The following ZNF41 variants were observed in gnomAD, a reference collection of about 807,000 sequenced individuals.
ZNF41 encodes the protein zinc finger protein 41.
A neutral mutation model predicts 9.3 loss-of-function variants in ZNF41; 6 were observed. The ratio of observed to expected loss-of-function variants is 0.65; its 90% CI spans 0.35 to 1.28. The LOEUF is 1.28. Among genes scored for constraint, ZNF41 ranks in the 50% most tolerant of loss-of-function variants. ZNF41 has a pLI of 0.03. For synonymous variants in ZNF41, 192 were observed against 207.1 expected (o/e 0.93, Z 0.63); for missense variants, 523 against 585.8 (o/e 0.89, Z 1.11).
In ZNF41 at chrX:47,455,970, T is replaced by A; in HGVS notation, c.246A>T (p.Gly82=). ...CCCCCTCCAGCATCCATGGCCCCTC[T>A]CCTTGCTCCAACTTGAAGGCAGCCT... ...KSEAAFKLEQ[G]EGPWMLEGEA... is the part of the protein sequence containing the mutation. Residue 82 remains glycine, a synonymous_variant, in exon 4 of 5, where the codon GGA becomes GGT. Transcript: ENST00000684689. The A allele has an allele frequency of 8.3e-7, 1 of 1,211,812 alleles. No individual in the cohort carries two copies. The highest frequency in any genetic ancestry group is 1.1e-6 in the Non-Finnish European group (1 of 895,522).
intron 4 of ZNF41, among the ~76,000 whole-genome samples, chrX:47,449,833 T>C (rs1345792276): frequency 9.0e-6 from 1 of 111,205 alleles, no homozygotes; most frequent in Non-Finnish European, 1.9e-5. Flanking sequence ...GCTAAATAAG[T>C]GGGAGAGATG....
rs1204306173 is a variant in ZNF41 at position 47,448,243 on chromosome X, G to T, written c.1527C>A (p.Asn509Lys). The change falls in exon 5 of 5, where the codon AAC (asparagine) becomes AAA (lysine). Residue 509 changes from asparagine (N) to lysine (K), a missense_variant. By Grantham distance (94) the Asn-to-Lys change is moderately conservative. Coordinates refer to ENST00000684689, the MANE Select transcript of ZNF41 (RefSeq NM_001324144.2). ...ECGKVFTHRT[N>K]LTTHQKTHTG... ...TATGAGTTTTCTGATGTGTGGTGAG[G>T]TTTGTCCTGTGAGTGAAGACCTTTC... 1 of 1,211,470 alleles carries T rather than the reference G, an allele frequency of 8.3e-7. No homozygotes were observed. The highest frequency in any genetic ancestry group is 2.3e-4 in the Middle Eastern group (1 of 4,352).
intron 1 of ZNF41, among the ~76,000 whole-genome samples, chrX:47,478,623 G>A (rs920568867): frequency 1.8e-5 from 2 of 111,653 alleles, no homozygotes; most frequent in African/African-American, 6.5e-5. Flanking sequence ...TAACACGGAT[G>A]AGCTTTGAAA....
intron 1 of ZNF41, among the ~76,000 whole-genome samples, chrX:47,472,827 A>G (rs1257008860): frequency 1.8e-5 from 2 of 109,261 alleles, no homozygotes; most frequent in East Asian, 5.7e-4. Context: ...AGTTCAAGCA[A>G]TTCTCCTGCC....
chrX:47,479,957 G>GGTGT (rs2057430932), intron 1 of ZNF41, among the ~76,000 whole-genome samples: 1 of 110,231 alleles, frequency 9.1e-6, no homozygotes, highest in Non-Finnish European at 1.9e-5. Flanking sequence ...TAGCTGGGCA[G>GGTGT]GGTGGCACGC....
chrX:47,471,223 T>C (rs1219298793), intron 1 of ZNF41, among the ~76,000 whole-genome samples: 1 of 110,602 alleles, frequency 9.0e-6, no homozygotes, highest in Non-Finnish European at 1.9e-5. Context: ...CTGAGGTGGG[T>C]GGATCACCTG....
Position 47,467,477 on chromosome X carries a change from G to T in ZNF41, c.5C>A (p.Ala2Glu). ...CCATGGGGGAGAGTCCCCATTAGCTGCCATGTTCACGCTGGGCCTCAGCCC... is the reference window on the plus strand; with the variant it reads ...CCATGGGGGAGAGTCCCCATTAGCTTCCATGTTCACGCTGGGCCTCAGCCC... M[A>E]ANGDSPPWSP... Residue 2 changes from alanine to glutamate, a missense_variant, in exon 2 of 5, where the codon GCA (alanine) becomes GAA (glutamate). Physicochemically the swap from Ala to Glu is moderately radical, Grantham distance 107. Coordinates refer to ENST00000684689, the MANE Select transcript of ZNF41 (RefSeq NM_001324144.2). 8.4e-7 allele frequency: 1 copy of T among 1,185,325 alleles called. No homozygotes were observed. The highest frequency in any genetic ancestry group is 1.7e-5 in the African/African-American group (1 of 57,542).
At chrX:47,469,576 T>C (rs1244676015) in intron 1 of ZNF41, among the ~76,000 whole-genome samples, 1 of 111,395 alleles carries the variant, frequency 9.0e-6, no homozygotes, top group Non-Finnish European at 1.9e-5. Flanking sequence ...CTATTAACTA[T>C]GTGGAAATTT....
chrX:47,458,683 T>C (rs2056660560), intron 2 of ZNF41, among the ~76,000 whole-genome samples: 1 of 111,565 alleles, frequency 9.0e-6, no homozygotes, highest in African/African-American at 3.3e-5. Flanking sequence ...TGGTCTCACT[T>C]TGTCACCCAG....
chrX:47,448,805 G>A lies in ZNF41; in HGVS notation c.965C>T (p.Thr322Ile). 8.3e-7 allele frequency: 1 copy of A among 1,211,671 alleles called. No individual in the cohort carries two copies. The highest frequency in any genetic ancestry group is 1.1e-6 in the Non-Finnish European group (1 of 895,430). ...PQVDVHPSVY[T>I]GEKPYLCTQC... The stretch of plus-strand genomic sequence containing the variant: ...AGTACACAGATAGGGTTTTTCTCCT[G>A]TATAAACACTTGGATGTACATCAAC... Residue 322 changes from threonine (T) to isoleucine (I), a missense_variant, in exon 5 of 5, where the codon ACA becomes ATA. Thr to Ile is a moderately conservative substitution (Grantham distance 89). Transcript: ENST00000684689.
At chrX:47,469,138 C>T (rs939635074) in intron 1 of ZNF41, among the ~76,000 whole-genome samples, 3 of 102,825 alleles carry the variant, frequency 2.9e-5, no homozygotes, top group Non-Finnish European at 6.0e-5. Context: ...GGTGAAACCC[C>T]GTCTCTACTA....
intron 4 of ZNF41, among the ~76,000 whole-genome samples, chrX:47,455,289 T>TA (rs35534485): frequency 0.27 from 21,804 of 79,971 alleles, 2,775 homozygotes; most frequent in South Asian, 0.34. Flanking sequence ...AAATTAAAAT[T>TA]AAAAAAAAAA....
At chrX:47,478,440 G>C (rs954348518) in intron 1 of ZNF41, among the ~76,000 whole-genome samples, 2 of 110,371 alleles carry the variant, frequency 1.8e-5, no homozygotes, top group African/African-American at 6.6e-5. Flanking sequence ...CTGGGAGGTG[G>C]AGGTTGCAGT....
intron 1 of ZNF41, among the ~76,000 whole-genome samples, chrX:47,477,414 G>T (rs1451060194): frequency 8.9e-6 from 1 of 112,907 alleles, no homozygotes; most frequent in Non-Finnish European, 1.9e-5. Context: ...AAAGTGCTGG[G>T]ATTACAGGCG....
Position 47,447,974 on chromosome X carries a change from C to A in ZNF41, c.1796G>T (p.Arg599Ile), listed in dbSNP as rs777328317. The change falls in exon 5 of 5, where the codon AGA becomes ATA. Residue 599 changes from arginine to isoleucine, a missense_variant. Transcript: ENST00000684689. ...IQKSTLSVHQ[R>I]IHTGEKPYVC... ...GTACGGTTTCTCTCCTGTATGGATTCTCTGATGCACGCTTAGTGTTGATTT... is the reference window on the plus strand; with the variant it reads ...GTACGGTTTCTCTCCTGTATGGATTATCTGATGCACGCTTAGTGTTGATTT... 2 of 1,211,225 alleles carry A rather than the reference C, an allele frequency of 1.7e-6. No individual in the cohort carries two copies. Among genetic ancestry groups the A allele is most frequent in the East Asian group, 5.9e-5 (2 of 33,826 alleles).
At chrX:47,460,288 G>A (rs2056738647) in intron 2 of ZNF41, among the ~76,000 whole-genome samples, 1 of 111,751 alleles carries the variant, frequency 8.9e-6, no homozygotes, top group African/African-American at 3.2e-5. Flanking sequence ...AATTCCAGAT[G>A]TATTATAGAC....
At chrX:47,469,662 G>A (rs1472324662) in intron 1 of ZNF41, among the ~76,000 whole-genome samples, 1 of 111,859 alleles carries the variant, frequency 8.9e-6, no homozygotes, top group African/African-American at 3.2e-5. Flanking sequence ...AGCGGATCAC[G>A]AAGTCAGGAG....
chrX:47,451,482 G>A (rs374867847), intron 4 of ZNF41, among the ~76,000 whole-genome samples: 9 of 112,126 alleles, frequency 8.0e-5, no homozygotes, highest in East Asian at 5.6e-4. Flanking sequence ...GGCTGGGTGC[G>A]GTGGCTCATG....
intron 1 of ZNF41, among the ~76,000 whole-genome samples, chrX:47,479,430 A>G (rs904226149): frequency 2.7e-5 from 3 of 112,214 alleles, no homozygotes; most frequent in Non-Finnish European, 5.6e-5. Flanking sequence ...ATGTCACTCA[A>G]CATTGTTCTG....
Sources: allele counts gnomAD v4.1 joint callset (sites outside exome capture counted in the v4.1 genomes callset), GRCh38; gene constraint gnomAD v4.1.1; transcripts MANE v1.5; gene names NCBI Gene and HGNC (gene_info 2026-07-23, HGNC 2026-07-21).